The following SLFN14 variants were observed in gnomAD, a reference collection of about 807,000 sequenced individuals.
The protein encoded by SLFN14 is protein SLFN14.
Under a neutral mutation model 58.6 loss-of-function variants are expected in SLFN14, and 47 were observed. The observed-to-expected ratio is 0.80, with a 90% confidence interval of 0.64 to 1.02. The LOEUF is 1.02. SLFN14 is among the 50% of genes least tolerant of loss of function. The pLI is 0.00. For synonymous variants in SLFN14, 390 were observed against 387.3 expected, an observed-to-expected ratio of 1.01 and a Z score of -0.08; for missense variants, 967 against 1,078.4, an observed-to-expected ratio of 0.90 and a Z score of 1.45.
intron 1 of SLFN14, among the ~76,000 whole-genome samples, 141 bp downstream of exon 1, chr17:35,560,626 C>T (rs1356851178): frequency 6.6e-6 from 1 of 152,152 alleles, no homozygotes; most frequent in Non-Finnish European, 1.5e-5. Flanking sequence ...CCACGCCAGG[C>T]CTTCCCAGAA....
intron 1 of SLFN14, among the ~76,000 whole-genome samples, chr17:35,560,486 C>T (rs1347400380): frequency 6.6e-6 from 1 of 152,140 alleles, no homozygotes; most frequent in Non-Finnish European, 1.5e-5. Context: ...AGCCACCACT[C>T]TCGATACATT....
In SLFN14 at chr17:35,548,933, G is replaced by A. The variant is rs187022223; in HGVS notation, c.2045C>T (p.Thr682Ile). ...TCCAGTCCCCTTCGCCTTTGGATGGGTGATGTTCTTAGCCTTCATGTACCA... is the reference window on the plus strand; with the variant it reads ...TCCAGTCCCCTTCGCCTTTGGATGGATGATGTTCTTAGCCTTCATGTACCA... The part of the protein sequence containing the change: ...GNWYMKAKNI[T>I]HPKAKGTGSE... The change falls in exon 6 of 6, where the codon ACC becomes ATC. Residue 682 changes from threonine (T) to isoleucine (I), a missense_variant. Coordinates refer to ENST00000674182, the MANE Select transcript of SLFN14 (RefSeq NM_001129820.2). 1.6e-5 allele frequency: 25 copies of A among 1,551,678 alleles called. No individual in the cohort carries two copies. The African/African-American group carries it at 3.3e-4, about 20-fold the overall frequency.
At position 35,549,080 on chromosome 17, in the gene SLFN14, G is replaced by A; in HGVS notation, c.1905-7C>T. The A allele has an allele frequency of 6.5e-7, 1 of 1,548,892 alleles. No individual in the cohort carries two copies. The highest frequency in any genetic ancestry group is 8.7e-7 in the Non-Finnish European group (1 of 1,145,782). ...TTGGCAGGTGGTTTGTTGGCTGTAA[G>A]GACGGAAAAAACAGGGCTTGAGGCA... On this transcript the variant is annotated splice_polypyrimidine_tract_variant and splice_region_variant and intron_variant, in intron 5 of 5. Coordinates refer to ENST00000674182, the MANE Select transcript of SLFN14 (RefSeq NM_001129820.2).
rs1299483361 is a variant in SLFN14 at position 35,549,191 on chromosome 17, A to T, written c.1905-118T>A. ...CATCTGCAGGCTGAGTCATTGATTC[A>T]GTAGTGTGAATACCACAAAACTGTT... On this transcript the variant is annotated intron_variant, in intron 5 of 5. Coordinates refer to ENST00000674182, the MANE Select transcript of SLFN14 (RefSeq NM_001129820.2). 8 of 786,262 alleles carry T rather than the reference A, an allele frequency of 1.0e-5. No homozygotes were observed. The Admixed American group carries it at 2.1e-4, about 21-fold the overall frequency. 48.7% of individuals were successfully genotyped at this position (786,262 alleles called of 1,614,324 possible).
chr17:35,555,733 C>T (rs1453503553), intron 3 of SLFN14, among the ~76,000 whole-genome samples: 2 of 152,080 alleles, frequency 1.3e-5, no homozygotes, highest in Non-Finnish European at 2.9e-5. Flanking sequence ...AACATACTGG[C>T]CGTGAAGGCA....
rs1292262852 is a variant in SLFN14 at position 35,547,953 on chromosome 17, G to C, written c.*286C>G. 6.6e-6 allele frequency among the ~76,000 whole-genome samples: 1 copy of C among 152,162 alleles called. No individual in the cohort carries two copies. Among genetic ancestry groups the C allele is most frequent in the Admixed American group, 6.5e-5 (1 of 15,274 alleles). On this transcript the variant is annotated 3_prime_UTR_variant, in exon 6 of 6. Transcript: ENST00000674182. ...TACATAAAATCAGTTCTCTATTTGAGGAAAAATTCTCTGATGGATGACAGC... is the reference window on the plus strand; with the variant it reads ...TACATAAAATCAGTTCTCTATTTGACGAAAAATTCTCTGATGGATGACAGC...
chr17:35,552,263 G>A (rs1015121424), intron 5 of SLFN14, among the ~76,000 whole-genome samples: 14 of 152,098 alleles, frequency 9.2e-5, no homozygotes, highest in African/African-American at 2.2e-4. Flanking sequence ...TGTTGAGGGG[G>A]GCACTGAGAG....
chr17:35,548,959 A>G lies in SLFN14; in HGVS notation c.2019T>C (p.Asn673=), dbSNP rs2072559399. 1.3e-6 allele frequency: 2 copies of G among 1,551,676 alleles called. No homozygotes were observed. The highest frequency in any genetic ancestry group is 1.7e-6 in the Non-Finnish European group (2 of 1,146,992). The change falls in exon 6 of 6, where the codon AAT becomes AAC. Residue 673 remains asparagine, a synonymous_variant. Transcript: ENST00000674182. The part of the protein sequence containing the change: ...ETENFCSKYG[N]WYMKAKNITH... Reference sequence around the variant, plus strand: ...TGATGTTCTTAGCCTTCATGTACCAATTGCCATATTTGCTGCAGAAATTCT... The same window carrying G: ...TGATGTTCTTAGCCTTCATGTACCAGTTGCCATATTTGCTGCAGAAATTCT...
chr17:35,559,043 C>T (rs1481529579), intron 2 of SLFN14, among the ~76,000 whole-genome samples: 2 of 144,278 alleles, frequency 1.4e-5, no homozygotes, highest in African/African-American at 2.6e-5. Flanking sequence ...GACCCCATCT[C>T]GACAAAAGAT....
chr17:35,552,641 T>C, intron 5 of SLFN14, 89 bp downstream of exon 5: 1 of 448,670 alleles, frequency 2.2e-6, no homozygotes, highest in African/African-American at 2.3e-5. Flanking sequence ...TATATACATA[T>C]ATATATACAC....
intron 4 of SLFN14, 38 bp from the exon 5 acceptor site, chr17:35,553,482 A>AG: frequency 1.4e-6 from 2 of 1,448,882 alleles, no homozygotes; most frequent in Non-Finnish European, 1.8e-6. Context: ...AAAACTTACA[A>AG]AAGCATGTGG....
At chr17:35,552,143 G>T (rs530151426) in intron 5 of SLFN14, among the ~76,000 whole-genome samples, 1 of 152,156 alleles carries the variant, frequency 6.6e-6, no homozygotes, top group Non-Finnish European at 1.5e-5. Context: ...GACATCAAAG[G>T]CACCCCTCCC....
chr17:35,550,230 C>T (rs2072572662), intron 5 of SLFN14, among the ~76,000 whole-genome samples: 1 of 152,186 alleles, frequency 6.6e-6, no homozygotes, highest in African/African-American at 2.4e-5. Context: ...GGAATATTTA[C>T]CAACCAACCT....
At position 35,545,987 on chromosome 17, in the gene SLFN14, G is replaced by A. The variant is rs945442042; in HGVS notation, c.*2252C>T. Reference sequence around the variant, plus strand: ...TCATCCTGATTGAATTGTTTCACTAGACTAAGAACTGACAAAGACTCTCAA... The same window carrying A: ...TCATCCTGATTGAATTGTTTCACTAAACTAAGAACTGACAAAGACTCTCAA... On this transcript the variant is annotated 3_prime_UTR_variant, in exon 6 of 6. Transcript: ENST00000674182. Among the ~76,000 whole-genome samples the A allele has an allele frequency of 6.6e-6, 1 of 152,110 alleles. No homozygotes were observed. The highest frequency in any genetic ancestry group is 1.5e-5 in the Non-Finnish European group (1 of 68,018).
intron 5 of SLFN14, among the ~76,000 whole-genome samples, chr17:35,550,102 T>C (rs557753395): frequency 1.3e-4 from 20 of 152,330 alleles, no homozygotes; most frequent in Non-Finnish European, 2.8e-4. Context: ...CCATTCTGGT[T>C]CTCTGGTGTC....
At position 35,553,034 on chromosome 17, in the gene SLFN14, T is replaced by A; in HGVS notation, c.1600A>T (p.Arg534Trp). The change falls in exon 5 of 6, where the codon AGG becomes TGG. Residue 534 changes from arginine to tryptophan, a missense_variant. Physicochemically the swap from Arg to Trp is moderately radical, Grantham distance 101 (BLOSUM62 -3). Transcript: ENST00000674182. ...EIPLRYPRSY[R>W]LADEEEMEDL... is the part of the protein sequence containing the mutation. ...TCCATTTCCTCCTCATCAGCAAGCC[T>A]GTAGGACCTGGGGTAACGCAGGGGG... 6.4e-7 allele frequency: 1 copy of A among 1,551,650 alleles called. No individual in the cohort carries two copies. Among genetic ancestry groups the A allele is most frequent in the South Asian group, 1.2e-5 (1 of 84,060 alleles).
rs199663871 is a variant in SLFN14, at chr17:35,557,669, G to T, written c.394C>A (p.Arg132=). 1.3e-6 allele frequency: 2 copies of T among 1,551,548 alleles called. No individual in the cohort carries two copies. Among genetic ancestry groups the T allele is most frequent in the African/African-American group, 2.7e-5 (2 of 73,026 alleles). The change falls in exon 3 of 6, where the codon CGG becomes AGG. Residue 132 remains arginine, a synonymous_variant. Coordinates refer to ENST00000674182, the MANE Select transcript of SLFN14 (RefSeq NM_001129820.2). ...TTGATAGCAGAAGTCACATCTCTCC[G>T]ATACAAATTGGAGCGCAAGCTGCAA... is the stretch of plus-strand genomic sequence containing the variant. The part of the protein sequence containing the change: ...RICSLRSNLY[R]RDVTSAINLS...
chr17:35,560,736 T>A (rs1046376897), intron 1 of SLFN14, among the ~76,000 whole-genome samples, 31 bp downstream of exon 1: 5 of 144,728 alleles, frequency 3.5e-5, no homozygotes, highest in African/African-American at 1.3e-4. Context: ...ATAAATGAGA[T>A]ATTTTTAAGA....
intron 5 of SLFN14, among the ~76,000 whole-genome samples, chr17:35,550,469 C>T (rs2072575619): frequency 6.6e-6 from 1 of 152,172 alleles, no homozygotes. Context: ...TCACTTGAAC[C>T]CAGGAGACAG....
Sources: gnomAD v4.1 joint callset for allele counts (sites outside exome capture counted in the v4.1 genomes callset) on GRCh38, gnomAD v4.1.1 for gene constraint, MANE v1.5 for transcripts, NCBI Gene and HGNC (gene_info 2026-07-23, HGNC 2026-07-21) for gene names.